Variants in P3H2 observed in about 807,000 individuals in gnomAD.
P3H2 encodes prolyl 3-hydroxylase 2.
P3H2 carries 80 observed loss-of-function variants against 87.0 expected under a neutral mutation model. That is an observed-to-expected ratio of 0.92 (90% confidence interval 0.77 to 1.11). The LOEUF (loss-of-function observed/expected upper bound fraction) is 1.11, where lower values mean the gene tolerates loss of function less well. P3H2 is among the 50% of genes least tolerant of loss of function. The pLI is 0.00. For missense variants in P3H2, 1,001 were observed against 923.9 expected, an observed-to-expected ratio of 1.08 and a Z score of -1.08; for synonymous variants, 367 against 359.3, an observed-to-expected ratio of 1.02 and a Z score of -0.24.
intron 1 of P3H2, among the ~76,000 whole-genome samples, chr3:190,081,917 T>A (rs1727055939): frequency 6.6e-6 from 1 of 152,204 alleles, no homozygotes; most frequent in African/African-American, 2.4e-5. Context: ...GACATCAAAC[T>A]TAAGGCATTC....
rs576930779 is a variant in P3H2 at position 190,089,377 on chromosome 3, A to C, written c.480+30875T>G. On this transcript the variant is annotated intron_variant, in intron 1 of 14. Coordinates refer to ENST00000319332, the MANE Select transcript of P3H2 (RefSeq NM_018192.4). Reference sequence around the variant, plus strand: ...ACAACTTAAAGTATAATAAAAAAAGAGAAAGAAAATTCATTGTTAAATCAG... The same window carrying C: ...ACAACTTAAAGTATAATAAAAAAAGCGAAAGAAAATTCATTGTTAAATCAG... Among the ~76,000 whole-genome samples the C allele has an allele frequency of 2.6e-5, 4 of 152,360 alleles. No individual in the cohort carries two copies. The South Asian group carries it at 8.3e-4, about 32-fold the overall frequency.
In P3H2 at chr3:189,985,098, T is replaced by C. The variant is rs138795566; in HGVS notation, c.1189-508A>G. The stretch of plus-strand genomic sequence containing the variant: ...TTAGAAGGTGTTATATTAGAAATAG[T>C]ACATTAAAATTAACCCATTTTAAAA... On this transcript the variant is annotated intron_variant, in intron 6 of 14. Transcript: ENST00000319332. 4.5e-3 allele frequency among the ~76,000 whole-genome samples: 687 copies of C among 152,078 alleles called. 4 individuals are homozygous for C. In the Middle Eastern group the frequency reaches 0.051, roughly 11 times the overall value.
intron 1 of P3H2, among the ~76,000 whole-genome samples, chr3:190,002,068 C>A (rs1303232338): frequency 6.6e-6 from 1 of 152,012 alleles, no homozygotes; most frequent in South Asian, 2.1e-4. Context: ...TAGGACATTC[C>A]TAAACATTTC....
chr3:190,069,347 T>C (rs1170413878), intron 1 of P3H2, among the ~76,000 whole-genome samples: 1 of 152,192 alleles, frequency 6.6e-6, no homozygotes, highest in Non-Finnish European at 1.5e-5. Flanking sequence ...TAAGCATCTT[T>C]TGACATTTCA....
intron 1 of P3H2, among the ~76,000 whole-genome samples, chr3:190,095,076 T>G (rs1727526928): frequency 6.6e-6 from 1 of 152,192 alleles, no homozygotes; most frequent in South Asian, 2.1e-4. Flanking sequence ...TATTCTTAGG[T>G]TTTGACAGGC....
chr3:189,970,296 T>C (rs1329292708), intron 13 of P3H2, among the ~76,000 whole-genome samples: 1 of 141,252 alleles, frequency 7.1e-6, no homozygotes, highest in Non-Finnish European at 1.5e-5. Flanking sequence ...TATATATATA[T>C]TTTTTATATA....
At chr3:190,122,005 T>C (rs1474921619), upstream of P3H2, among the ~76,000 whole-genome samples, 1 of 149,444 alleles carries the variant, frequency 6.7e-6, no homozygotes, top group African/African-American at 2.5e-5. Flanking sequence ...GGCAGGATAA[T>C]TGCTTGAACC....
chr3:190,048,208 G>A (rs1288773117), intron 1 of P3H2, among the ~76,000 whole-genome samples: 1 of 152,072 alleles, frequency 6.6e-6, no homozygotes, highest in Non-Finnish European at 1.5e-5. Flanking sequence ...ACTTAAACAT[G>A]GTTTGAGCCG....
intron 1 of P3H2, among the ~76,000 whole-genome samples, chr3:190,024,278 C>T (rs1230471913): frequency 6.6e-6 from 1 of 151,970 alleles, no homozygotes; most frequent in Non-Finnish European, 1.5e-5. Context: ...GTGGCTCACA[C>T]CTGTAATCCC....
chr3:190,000,309 G>C (rs1056765366), intron 1 of P3H2, among the ~76,000 whole-genome samples: 1 of 152,148 alleles, frequency 6.6e-6, no homozygotes, highest in Admixed American at 6.5e-5. Flanking sequence ...TCATGCCCCA[G>C]TTCATTAGTT....
At chr3:189,965,117 A>G (rs1028348005) in intron 13 of P3H2, among the ~76,000 whole-genome samples, 4 of 152,268 alleles carry the variant, frequency 2.6e-5, no homozygotes, top group African/African-American at 9.6e-5. Flanking sequence ...ACTGGTTCTC[A>G]CTAGCCATTT....
At chr3:190,065,516 C>CA (rs1033654948) in intron 1 of P3H2, among the ~76,000 whole-genome samples, 8 of 152,196 alleles carry the variant, frequency 5.3e-5, no homozygotes, top group Admixed American at 4.6e-4. Context: ...TTACAACAGT[C>CA]AGTGTTATGT....
At chr3:190,044,454 A>C (rs1367916740) in intron 1 of P3H2, among the ~76,000 whole-genome samples, 3 of 152,218 alleles carry the variant, frequency 2.0e-5, no homozygotes, top group Non-Finnish European at 4.4e-5. Flanking sequence ...TGCAGTGCAC[A>C]CAGAAAACAG....
In P3H2 at chr3:190,086,040, T is replaced by C. The variant is rs376269285; in HGVS notation, c.480+34212A>G. The stretch of plus-strand genomic sequence containing the variant: ...CATTACCAAAACTGCCCTCAGTAAA[T>C]TCTCCCCCAAACCCATTACTTTGCT... On this transcript the variant is annotated intron_variant, in intron 1 of 14. Coordinates refer to ENST00000319332, the MANE Select transcript of P3H2 (RefSeq NM_018192.4). 3.9e-5 allele frequency among the ~76,000 whole-genome samples: 6 copies of C among 152,112 alleles called. No homozygotes were observed. The East Asian group carries it at 1.2e-3, about 29-fold the overall frequency.
At chr3:190,032,878 C>T (rs1187791026) in intron 1 of P3H2, among the ~76,000 whole-genome samples, 1 of 152,088 alleles carries the variant, frequency 6.6e-6, no homozygotes, top group African/African-American at 2.4e-5. Context: ...GAGAATGATT[C>T]AAGTGGATTA....
At chr3:189,987,454 G>T in intron 5 of P3H2, 73 bp downstream of exon 5, 1 of 1,512,184 alleles carries the variant, frequency 6.6e-7, no homozygotes. Context: ...ACTCCAGCCT[G>T]GGCAACAAGA....
chr3:190,058,605 T>C (rs910370635), intron 1 of P3H2, among the ~76,000 whole-genome samples: 1 of 152,134 alleles, frequency 6.6e-6, no homozygotes, highest in Non-Finnish European at 1.5e-5. Context: ...GTAAAAAGAC[T>C]TAATTGCCTT....
intron 1 of P3H2, among the ~76,000 whole-genome samples, chr3:190,116,329 T>C (rs1447049563): frequency 6.6e-6 from 1 of 152,170 alleles, no homozygotes; most frequent in Non-Finnish European, 1.5e-5. Context: ...GCTGGGTGCT[T>C]TACATCACTC....
Position 190,120,384 on chromosome 3 carries a change from C to T in P3H2, c.348G>A (p.Arg116=). 1 of 1,548,982 alleles carries T rather than the reference C, an allele frequency of 6.5e-7. No homozygotes were observed. The highest frequency in any genetic ancestry group is 8.7e-7 in the Non-Finnish European group (1 of 1,153,254). The change falls in exon 1 of 15, where the codon CGG becomes CGA. Residue 116 remains arginine, a synonymous_variant. Transcript: ENST00000319332. ...ELPLFRSLLG[R]ARCYRSCETQ... ...TCTCACAGCTGCGATAACAGCGCGC[C>T]CGCCCCAACAAGGAGCGGAAAAGGG... is the stretch of plus-strand genomic sequence containing the variant.
Sources: allele counts gnomAD v4.1 joint callset (sites outside exome capture counted in the v4.1 genomes callset), GRCh38; gene constraint gnomAD v4.1.1; transcripts MANE v1.5; gene names NCBI Gene and HGNC (gene_info 2026-07-23, HGNC 2026-07-21).